CADM2: variants seen among roughly 807,000 people sequenced by gnomAD.
CADM2 encodes cell adhesion molecule 2.
Under a neutral mutation model 49.8 loss-of-function variants are expected in CADM2, and 12 were observed. That is an observed-to-expected ratio of 0.24 (90% CI 0.15 to 0.39). CADM2 has a LOEUF of 0.39. Among genes scored for constraint, CADM2 ranks in the 10% least tolerant of loss-of-function variants. CADM2 has a pLI of 1.00. For synonymous variants in CADM2, 214 were observed against 175.4 expected (o/e 1.22, Z -1.74); for missense variants, 378 against 492.3 (o/e 0.77, Z 2.20).
At chr3:85,622,804 T>G (rs1454502816) in intron 1 of CADM2, among the ~76,000 whole-genome samples, 1 of 152,188 alleles carries the variant, frequency 6.6e-6, no homozygotes, top group Non-Finnish European at 1.5e-5. Flanking sequence ...ACCAGTAATA[T>G]GTAATAAACA....
At chr3:85,852,278 A>G (rs765427219) in intron 3 of CADM2, among the ~76,000 whole-genome samples, 5 of 152,088 alleles carry the variant, frequency 3.3e-5, no homozygotes, top group Non-Finnish European at 7.4e-5. Flanking sequence ...GCACTCAATA[A>G]ATGTTTGTTC....
intron 3 of CADM2, among the ~76,000 whole-genome samples, chr3:85,862,842 T>C (rs927191917): frequency 1.3e-5 from 2 of 152,134 alleles, no homozygotes; most frequent in Non-Finnish European, 2.9e-5. Context: ...GTTGCTAGTA[T>C]TGGATGATGT....
chr3:85,665,615 G>GT (rs1009437245), intron 1 of CADM2, among the ~76,000 whole-genome samples: 26 of 151,924 alleles, frequency 1.7e-4, no homozygotes, highest in African/African-American at 6.3e-4. Context: ...TTTCCTGAGT[G>GT]TTTTTATTCC....
intron 7 of CADM2, 44 bp downstream of exon 7, chr3:85,935,901 T>G (rs752091591): frequency 1.7e-6 from 2 of 1,186,096 alleles, no homozygotes; most frequent in African/African-American, 3.1e-5. Context: ...TTTTTTTCTT[T>G]TATCTTGCTT....
intron 3 of CADM2, among the ~76,000 whole-genome samples, chr3:85,848,685 A>G (rs2074976775): frequency 6.6e-6 from 1 of 152,136 alleles, no homozygotes; most frequent in Non-Finnish European, 1.5e-5. Context: ...TATTTTTACT[A>G]TTTTTTCTAA....
chr3:85,165,923 A>C (rs1310374890), intron 1 of CADM2, among the ~76,000 whole-genome samples: 2 of 151,794 alleles, frequency 1.3e-5, no homozygotes, highest in Admixed American at 6.6e-5. Flanking sequence ...ATATTATAAA[A>C]TAAAGAAAAT....
intron 1 of CADM2, among the ~76,000 whole-genome samples, chr3:85,483,497 CTT>C (rs1475873034): frequency 6.6e-6 from 1 of 150,820 alleles, no homozygotes; most frequent in African/African-American, 2.4e-5. Context: ...TGAGAATTGA[CTT>C]AATTATATTT....
Position 85,054,918 on chromosome 3 carries a change from G to A in CADM2, c.61+95250G>A, listed in dbSNP as rs574302981. ...AGAAATATTTATTAAATATTTGAGA[G>A]GCTTTGCTGCTGTGAAAAATGATTA... On this transcript the variant is annotated intron_variant, in intron 1 of 9. Transcript: ENST00000383699. Among the ~76,000 whole-genome samples, 13 of 151,966 alleles carry A rather than the reference G, an allele frequency of 8.6e-5. No individual in the cohort carries two copies. In the South Asian group the frequency reaches 2.7e-3, roughly 32 times the overall value.
chr3:86,013,587 A>G, intron 8 of CADM2: 1 of 1,600,598 alleles, frequency 6.2e-7, no homozygotes, highest in African/African-American at 1.3e-5. Context: ...TCGAGAAGAA[A>G]CTCTCAGGGA....
At chr3:85,162,846 G>A (rs1380421017) in intron 1 of CADM2, among the ~76,000 whole-genome samples, 1 of 151,536 alleles carries the variant, frequency 6.6e-6, no homozygotes, top group Admixed American at 6.6e-5. Flanking sequence ...AGCATCCTTG[G>A]CAATAATACA....
In CADM2 at chr3:85,744,307, G is replaced by A. The variant is rs908548810; in HGVS notation, c.88+17759G>A. Among the ~76,000 whole-genome samples, 9 of 152,010 alleles carry A rather than the reference G, an allele frequency of 5.9e-5. No individual in the cohort carries two copies. In the South Asian group the frequency reaches 1.9e-3, roughly 32 times the overall value. On this transcript the variant is annotated intron_variant, in intron 2 of 9. Transcript: ENST00000383699. ...AAGATTGAATATTTGATAGCACAAT[G>A]GGGTAACTAAATTCAATAATAAATT...
At chr3:85,578,557 G>A (rs1009840443) in intron 1 of CADM2, among the ~76,000 whole-genome samples, 1 of 152,156 alleles carries the variant, frequency 6.6e-6, no homozygotes, top group Non-Finnish European at 1.5e-5. Flanking sequence ...TGCAGGTCAA[G>A]CACTTGAAAC....
chr3:86,041,632 G>A (rs1735954302), intron 8 of CADM2, among the ~76,000 whole-genome samples: 1 of 152,048 alleles, frequency 6.6e-6, no homozygotes, highest in African/African-American at 2.4e-5. Context: ...CAATAATAAT[G>A]GGAGACTTTA....
intron 2 of CADM2, among the ~76,000 whole-genome samples, chr3:85,774,836 A>T (rs190172359): frequency 1.3e-5 from 2 of 151,868 alleles, no homozygotes; most frequent in Admixed American, 1.3e-4. Flanking sequence ...AAAGTAGCAG[A>T]GTGGTAGAGT....
chr3:85,194,622 C>T (rs1056876486), intron 1 of CADM2, among the ~76,000 whole-genome samples: 1 of 151,746 alleles, frequency 6.6e-6, no homozygotes, highest in Non-Finnish European at 1.5e-5. Context: ...AATGAGGAGG[C>T]AGAGGGAAGA....
intron 2 of CADM2, among the ~76,000 whole-genome samples, chr3:85,768,699 A>AATATACACATATACACACATATAGTAT (rs2069810447): frequency 2.1e-5 from 3 of 146,208 alleles, no homozygotes; most frequent in Admixed American, 7.0e-5. Context: ...ATATAGTATA[A>AATATACACATATACACACATATAGTAT]ATATACACAT....
chr3:85,706,686 T>C (rs1048962334), intron 1 of CADM2, among the ~76,000 whole-genome samples: 4 of 152,192 alleles, frequency 2.6e-5, no homozygotes, highest in African/African-American at 9.6e-5. Context: ...CATTTCTCAA[T>C]AACTGAATAA....
rs185737487 is a variant in CADM2 at position 85,451,370 on chromosome 3, A to G, written c.62-275152A>G. Among the ~76,000 whole-genome samples, 4 of 152,230 alleles carry G rather than the reference A, an allele frequency of 2.6e-5. No homozygotes were observed. In the East Asian group the frequency reaches 7.7e-4, roughly 29 times the overall value. ...TCACATTAATAATAATTGTTTTAGG[A>G]AAAGGAATATATTTAAATGACCTTT... On this transcript the variant is annotated intron_variant, in intron 1 of 9. Coordinates refer to ENST00000383699, the MANE Select transcript of CADM2 (RefSeq NM_001167675.2).
chr3:85,321,116 A>ATATATATTTTT (rs2044596196), intron 1 of CADM2, among the ~76,000 whole-genome samples: 1 of 27,492 alleles, frequency 3.6e-5, no homozygotes, highest in African/African-American at 1.5e-4. Flanking sequence ...ATATATATAT[A>ATATATATTTTT]TTTTTTTTTT....
Sources: gnomAD v4.1 joint callset for allele counts (sites outside exome capture counted in the v4.1 genomes callset) on GRCh38, gnomAD v4.1.1 for gene constraint, MANE v1.5 for transcripts, NCBI Gene and HGNC (gene_info 2026-07-23, HGNC 2026-07-21) for gene names.